RPTOR: variants seen among roughly 807,000 people sequenced by gnomAD.
RPTOR encodes the protein regulatory associated protein of MTOR complex 1.
In RPTOR, 21 loss-of-function variants were observed where a neutral mutation model predicts 169.9. That is an observed-to-expected ratio of 0.12 (90% CI 0.09 to 0.18). The LOEUF is 0.18. RPTOR is among the 10% of genes least tolerant of loss of function. The probability of loss-of-function intolerance (pLI) is 1.00; values close to 1 mark genes in which losing one functional copy is unlikely to be tolerated. For synonymous variants in RPTOR, 732 were observed against 753.2 expected (o/e 0.97, Z 0.46); for missense variants, 1,133 against 1,855.9 (o/e 0.61, Z 7.16).
chr17:80,737,575 G>A (rs1392979257), intron 5 of RPTOR, among the ~76,000 whole-genome samples: 1 of 152,088 alleles, frequency 6.6e-6, no homozygotes, highest in African/African-American at 2.4e-5. Context: ...TGGGCATGGG[G>A]GCTGCCTTCC....
intron 19 of RPTOR, 70 bp downstream of exon 19, chr17:80,892,939 G>A (rs1284299766): frequency 6.4e-7 from 1 of 1,553,106 alleles, no homozygotes; most frequent in Non-Finnish European, 8.7e-7. Context: ...CACTGTATCT[G>A]AGTAAGCACC....
At chr17:80,666,497 C>T (rs944363660) in intron 3 of RPTOR, among the ~76,000 whole-genome samples, 12 of 152,032 alleles carry the variant, frequency 7.9e-5, no homozygotes, top group Admixed American at 3.9e-4. Flanking sequence ...GTAGGAAGGG[C>T]GCAAGGATGA....
At chr17:80,689,407 C>G (rs1265062905) in intron 3 of RPTOR, among the ~76,000 whole-genome samples, 1 of 152,254 alleles carries the variant, frequency 6.6e-6, no homozygotes, top group Non-Finnish European at 1.5e-5. Flanking sequence ...CTTTCCGAAG[C>G]CATCGCTGGA....
At chr17:80,863,186 A>G (rs2067939938) in intron 13 of RPTOR, among the ~76,000 whole-genome samples, 1 of 152,184 alleles carries the variant, frequency 6.6e-6, no homozygotes, top group Non-Finnish European at 1.5e-5. Context: ...CACAGTGGTG[A>G]CACTGATCTG....
In RPTOR at chr17:80,963,190, G is replaced by A. The variant is rs17848674; in HGVS notation, c.3939+133G>A. The A allele has an allele frequency of 9.1e-5, 80 of 879,276 alleles. No homozygotes were observed. The East Asian group carries it at 2.1e-3, about 23-fold the overall frequency. 54.5% of individuals were successfully genotyped at this position (879,276 alleles called of 1,614,324 possible). The stretch of plus-strand genomic sequence containing the variant: ...GGGGCCCATTGGCTGCCTGAGGGAG[G>A]GACTTGCCTGGGTCCCAGGATCTCT... On this transcript the variant is annotated intron_variant, in intron 33 of 33. Coordinates refer to ENST00000306801, the MANE Select transcript of RPTOR (RefSeq NM_020761.3).
intron 3 of RPTOR, among the ~76,000 whole-genome samples, chr17:80,701,811 C>T (rs2143065964): frequency 6.6e-6 from 1 of 152,320 alleles, no homozygotes; most frequent in Middle Eastern, 3.4e-3. Flanking sequence ...GTCCAGCCTG[C>T]CCCAGCGGCA....
intron 1 of RPTOR, among the ~76,000 whole-genome samples, chr17:80,592,472 G>A (rs2065114574): frequency 6.6e-6 from 1 of 152,150 alleles, no homozygotes; most frequent in Non-Finnish European, 1.5e-5. Flanking sequence ...TGGGAGGACA[G>A]GTTCTGGATT....
At chr17:80,846,901 C>G (rs1010994973) in intron 11 of RPTOR, among the ~76,000 whole-genome samples, 1 of 152,248 alleles carries the variant, frequency 6.6e-6, no homozygotes, top group Non-Finnish European at 1.5e-5. Context: ...TCTCCCCTGG[C>G]TACCATTTCC....
chr17:80,785,459 G>A (rs1304999909), intron 6 of RPTOR, among the ~76,000 whole-genome samples: 1 of 152,228 alleles, frequency 6.6e-6, no homozygotes, highest in Non-Finnish European at 1.5e-5. Context: ...GAGGAGAACT[G>A]TTTCGTGTTG....
At chr17:80,811,289 C>T (rs1026897078) in intron 7 of RPTOR, among the ~76,000 whole-genome samples, 3 of 152,176 alleles carry the variant, frequency 2.0e-5, no homozygotes, top group East Asian at 1.9e-4. Flanking sequence ...GAGTTTTTCT[C>T]GTGAGTTCTT....
chr17:80,906,348 A>G (rs2068542655), intron 20 of RPTOR, among the ~76,000 whole-genome samples: 1 of 126,276 alleles, frequency 7.9e-6, no homozygotes, highest in Admixed American at 7.9e-5. Context: ...CATTTCCGAG[A>G]CTTGCTTGTG....
chr17:80,883,694 G>A lies in RPTOR; in HGVS notation c.1651-87G>A, dbSNP rs1354215774. 8.4e-6 allele frequency: 12 copies of A among 1,432,716 alleles called. No homozygotes were observed. In the Admixed American group the frequency reaches 2.1e-4, roughly 25 times the overall value. The allele number at this position is 1,432,716 out of a possible 1,614,324, so 88.8% of individuals were successfully genotyped here. A position where few individuals can be genotyped will look rare whatever the true frequency, so the allele number is the denominator to read the frequency against. ...GCAAATCAAGGCTTCCCAAGAATGG[G>A]TGGCCACCGTTGTCCCGTGCAGGTA... On this transcript the variant is annotated intron_variant, in intron 15 of 33. Transcript: ENST00000306801.
Position 80,545,615 on chromosome 17 carries a change from CCCCCT to C in RPTOR, c.-10_-6del. 6.3e-7 allele frequency: 1 copy of C among 1,597,178 alleles called. No homozygotes were observed. Among genetic ancestry groups the C allele is most frequent in the Non-Finnish European group, 8.5e-7 (1 of 1,170,720 alleles). The stretch of plus-strand genomic sequence containing the variant: ...GCGCTTGCTGCCAAGGACTCCCCCA[CCCCCT>C]CCCCCACTGATGGAGTCCGAAATGC... On this transcript the variant is annotated 5_prime_UTR_variant, in exon 1 of 34. Coordinates refer to ENST00000306801, the MANE Select transcript of RPTOR (RefSeq NM_020761.3).
At chr17:80,807,233 G>A (rs1294928822) in intron 7 of RPTOR, among the ~76,000 whole-genome samples, 1 of 152,184 alleles carries the variant, frequency 6.6e-6, no homozygotes, top group Admixed American at 6.5e-5. Flanking sequence ...TTTAATTAAA[G>A]TATTTAGTTT....
chr17:80,607,354 C>A (rs748760059), intron 1 of RPTOR, among the ~76,000 whole-genome samples: 1 of 152,016 alleles, frequency 6.6e-6, no homozygotes, highest in Non-Finnish European at 1.5e-5. Flanking sequence ...TGGTAATGTT[C>A]AAAAAATGGA....
intron 9 of RPTOR, among the ~76,000 whole-genome samples, chr17:80,829,336 G>A (rs1324857645): frequency 1.3e-5 from 2 of 152,204 alleles, no homozygotes; most frequent in Non-Finnish European, 2.9e-5. Context: ...GCGGGCATGG[G>A]TAGGGCAGCG....
intron 1 of RPTOR, among the ~76,000 whole-genome samples, chr17:80,548,491 C>T (rs1161779237): frequency 6.8e-6 from 1 of 146,076 alleles, no homozygotes; most frequent in South Asian, 2.2e-4. Context: ...AAGCTATTCT[C>T]CTGCCTCAGC....
At chr17:80,661,035 G>A (rs1452826237) in intron 3 of RPTOR, among the ~76,000 whole-genome samples, 1 of 152,130 alleles carries the variant, frequency 6.6e-6, no homozygotes, top group South Asian at 2.1e-4. Flanking sequence ...ATCTTTCTCG[G>A]GCTCTTTTTC....
At chr17:80,717,682 A>G (rs1598252221) in intron 4 of RPTOR, among the ~76,000 whole-genome samples, 1 of 152,242 alleles carries the variant, frequency 6.6e-6, no homozygotes, top group East Asian at 1.9e-4. Flanking sequence ...TCGGTACACA[A>G]TGTAAGATTT....
Sources: gnomAD v4.1 joint callset for allele counts (sites outside exome capture counted in the v4.1 genomes callset) on GRCh38, gnomAD v4.1.1 for gene constraint, MANE v1.5 for transcripts, NCBI Gene and HGNC (gene_info 2026-07-23, HGNC 2026-07-21) for gene names.